Variants in PDE4D observed in about 807,000 individuals in gnomAD.
PDE4D encodes 3',5'-cyclic-AMP phosphodiesterase 4D.
PDE4D carries 24 observed loss-of-function variants against 87.4 expected under a neutral mutation model. The ratio of observed to expected loss-of-function variants is 0.27; its 90% confidence interval spans 0.20 to 0.39. PDE4D has a LOEUF of 0.39. Ranked by LOEUF, PDE4D falls within the 10% of genes least tolerant of loss-of-function variation. The pLI, the probability that PDE4D is intolerant of heterozygous loss-of-function variation, is 1.00. For missense variants in PDE4D, 714 were observed against 1,041.0 expected (o/e 0.69, Z 4.32); for synonymous variants, 384 against 383.2 (o/e 1.00, Z -0.02).
intron 6 of PDE4D, among the ~76,000 whole-genome samples, chr5:59,038,560 G>C (rs1758968029): frequency 6.6e-6 from 1 of 152,140 alleles, no homozygotes; most frequent in African/African-American, 2.4e-5. Flanking sequence ...CTTTAAACAT[G>C]CAATGCCCAT....
At chr5:60,129,062 C>T (rs1393671675) in intron 2 of PDE4D, among the ~76,000 whole-genome samples, 2 of 152,150 alleles carry the variant, frequency 1.3e-5, no homozygotes, top group Admixed American at 6.6e-5. Flanking sequence ...TATTGTGTTA[C>T]AGTGATTTAA....
intron 1 of PDE4D, among the ~76,000 whole-genome samples, chr5:59,500,912 T>G (rs1808186715): frequency 6.6e-6 from 1 of 152,174 alleles, no homozygotes; most frequent in South Asian, 2.1e-4. Flanking sequence ...CATTTTCACT[T>G]TCAGTGCTGT....
intron 3 of PDE4D, among the ~76,000 whole-genome samples, chr5:59,948,820 A>G (rs1234567265): frequency 6.6e-6 from 1 of 152,220 alleles, no homozygotes; most frequent in Non-Finnish European, 1.5e-5. Flanking sequence ...ATCATTATGT[A>G]GATTCTAATT....
intron 1 of PDE4D, among the ~76,000 whole-genome samples, chr5:59,459,991 G>A (rs967441597): frequency 5.9e-5 from 9 of 152,118 alleles, no homozygotes; most frequent in Admixed American, 3.9e-4. Context: ...ATCAGTATAA[G>A]GAGGCCTTCT....
chr5:59,292,988 A>C (rs1768339335), intron 1 of PDE4D, among the ~76,000 whole-genome samples: 1 of 152,188 alleles, frequency 6.6e-6, no homozygotes, highest in Non-Finnish European at 1.5e-5. Flanking sequence ...GTCATCAAGC[A>C]TTTATTGTTA....
chr5:59,250,406 T>C (rs1759703857), intron 1 of PDE4D, among the ~76,000 whole-genome samples: 1 of 149,970 alleles, frequency 6.7e-6, no homozygotes, highest in Non-Finnish European at 1.5e-5. Flanking sequence ...GGTGGGAGTA[T>C]CGCTTAAGCA....
intron 1 of PDE4D, among the ~76,000 whole-genome samples, chr5:60,411,414 T>C (rs926051807): frequency 1.2e-4 from 18 of 152,276 alleles, no homozygotes; most frequent in Admixed American, 9.1e-4. Flanking sequence ...CACCACTGTA[T>C]GACATAACCA....
At chr5:59,937,681 CT>C (rs996215403) in intron 3 of PDE4D, among the ~76,000 whole-genome samples, 1 of 152,222 alleles carries the variant, frequency 6.6e-6, no homozygotes, top group African/African-American at 2.4e-5. Flanking sequence ...CTTCATTTAA[CT>C]TTACCTCCTA....
At chr5:59,039,029 C>T in intron 5 of PDE4D, 58 bp from the exon 6 acceptor site, 1 of 1,536,210 alleles carries the variant, frequency 6.5e-7, no homozygotes. Flanking sequence ...GGTCCGCTAG[C>T]GAGTTCAAAG....
intron 1 of PDE4D, among the ~76,000 whole-genome samples, chr5:59,739,452 G>C: frequency 6.6e-6 from 1 of 151,958 alleles, no homozygotes; most frequent in East Asian, 1.9e-4. Context: ...CAACAACAAA[G>C]ACAGGAAATG....
At chr5:60,379,889 C>T (rs945528390) in intron 1 of PDE4D, among the ~76,000 whole-genome samples, 1 of 152,150 alleles carries the variant, frequency 6.6e-6, no homozygotes, top group African/African-American at 2.4e-5. Context: ...TGGGACAATA[C>T]TTCTTCTTAC....
chr5:60,284,900 T>C (rs2149756781), intron 1 of PDE4D, among the ~76,000 whole-genome samples: 1 of 152,308 alleles, frequency 6.6e-6, no homozygotes, highest in South Asian at 2.1e-4. Context: ...TCTTTTGATG[T>C]AGAGCCAAGG....
At chr5:60,210,059 T>A (rs1743010876) in intron 1 of PDE4D, among the ~76,000 whole-genome samples, 1 of 152,148 alleles carries the variant, frequency 6.6e-6, no homozygotes, top group African/African-American at 2.4e-5. Context: ...AATTTTGAGA[T>A]CCATACTAAC....
At chr5:60,087,908 A>G (rs1018573557) in intron 2 of PDE4D, among the ~76,000 whole-genome samples, 1 of 152,158 alleles carries the variant, frequency 6.6e-6, no homozygotes, top group African/African-American at 2.4e-5. Context: ...GCTCAAAGAT[A>G]TTAAACAAAT....
intron 2 of PDE4D, among the ~76,000 whole-genome samples, chr5:59,989,115 TACACAC>T (rs70975356): frequency 0.067 from 4,927 of 73,512 alleles, 229 homozygotes; most frequent in East Asian, 0.3. Context: ...TATATATATA[TACACAC>T]ACACACATAC....
chr5:59,613,024 G>T (rs979817018), intron 1 of PDE4D, among the ~76,000 whole-genome samples: 2 of 152,206 alleles, frequency 1.3e-5, no homozygotes, highest in Admixed American at 6.5e-5. Flanking sequence ...ATGCCACCTA[G>T]ACTGGAGCAG....
chr5:60,142,556 C>T (rs1312981866), intron 2 of PDE4D, among the ~76,000 whole-genome samples: 2 of 152,110 alleles, frequency 1.3e-5, no homozygotes, highest in Admixed American at 1.3e-4. Flanking sequence ...GGGATTTAGG[C>T]ATTGGCAGAA....
chr5:59,206,293 G>T (rs2153500038), intron 2 of PDE4D, among the ~76,000 whole-genome samples: 1 of 152,214 alleles, frequency 6.6e-6, no homozygotes, highest in South Asian at 2.1e-4. Flanking sequence ...AAAACCATGG[G>T]TCTGCTTGAT....
At chr5:59,659,348 A>G (rs529981709) in intron 1 of PDE4D, among the ~76,000 whole-genome samples, 1 of 152,242 alleles carries the variant, frequency 6.6e-6, no homozygotes, top group Non-Finnish European at 1.5e-5. Context: ...AAGAAGTGGA[A>G]GTAAACAGGC....
Sources: allele counts gnomAD v4.1 joint callset (sites outside exome capture counted in the v4.1 genomes callset), GRCh38; gene constraint gnomAD v4.1.1; transcripts MANE v1.5; gene names NCBI Gene and HGNC (gene_info 2026-07-23, HGNC 2026-07-21).